RAPGEF4: variants seen among roughly 807,000 people sequenced by gnomAD.
The protein encoded by RAPGEF4 is Rap guanine nucleotide exchange factor 4, also known as RAP guanine-nucleotide-exchange factor (GEF) 4.
A neutral mutation model predicts 147.9 loss-of-function variants in RAPGEF4; 66 were observed. The ratio of observed to expected loss-of-function variants is 0.45; its 90% confidence interval spans 0.37 to 0.55. The LOEUF (loss-of-function observed/expected upper bound fraction) is 0.55. RAPGEF4 is among the 20% of genes least tolerant of loss of function. RAPGEF4 has a pLI of 0.00. For missense variants in RAPGEF4, 1,071 were observed against 1,257.3 expected (o/e 0.85, Z 2.24); for synonymous variants, 419 against 442.7 (o/e 0.95, Z 0.67).
chr2:172,799,350 C>G (rs1322135462), intron 3 of RAPGEF4, among the ~76,000 whole-genome samples: 1 of 152,142 alleles, frequency 6.6e-6, no homozygotes, highest in East Asian at 1.9e-4. Context: ...AAGATTAAAA[C>G]CCAAGCAGTC....
At chr2:172,909,223 G>T (rs144609919) in intron 4 of RAPGEF4, among the ~76,000 whole-genome samples, 2 of 152,294 alleles carry the variant, frequency 1.3e-5, no homozygotes, top group Non-Finnish European at 2.9e-5. Flanking sequence ...TGTAACAAAA[G>T]CCTGAGCCCT....
rs564434178 is a variant in RAPGEF4, at chr2:173,011,170, G to GCGCACACACACACA, written c.1659-3293_1659-3292insGCACACACACACAC. On this transcript the variant is annotated intron_variant, in intron 17 of 30. Coordinates refer to ENST00000397081, the MANE Select transcript of RAPGEF4 (RefSeq NM_007023.4). Reference sequence around the variant, plus strand: ...AACCTTGGAACTTCAGCGCGCGCGCGCACACACACACACACACACACACAC... The same window carrying GCGCACACACACACA: ...AACCTTGGAACTTCAGCGCGCGCGCGCGCACACACACACACACACACACACACACACACACACAC... 4.9e-3 allele frequency among the ~76,000 whole-genome samples: 648 copies of GCGCACACACACACA among 133,524 alleles called. 2 individuals are homozygous for GCGCACACACACACA. The highest frequency in any genetic ancestry group is 6.5e-3 in the African/African-American group (226 of 34,844). The allele number at this position is 133,524 out of a possible 152,430, so 87.6% of individuals were successfully genotyped here.
chr2:172,860,071 G>A (rs1366992064), intron 4 of RAPGEF4: 12 of 985,236 alleles, frequency 1.2e-5, no homozygotes, highest in South Asian at 9.4e-5. Context: ...CCGGGGCTAC[G>A]GCTAAAGAAA....
In RAPGEF4 at chr2:172,984,903, G is replaced by A. The variant is rs2242078; in HGVS notation, c.1090-530G>A. Reference sequence around the variant, plus strand: ...GAAGATAGAGCCATGATTTGGGACCGTAATTTGGAATTTTTTTTTAAATGT... The same window carrying A: ...GAAGATAGAGCCATGATTTGGGACCATAATTTGGAATTTTTTTTTAAATGT... On this transcript the variant is annotated intron_variant, in intron 11 of 30. Coordinates refer to ENST00000397081, the MANE Select transcript of RAPGEF4 (RefSeq NM_007023.4). Among the ~76,000 whole-genome samples the A allele has an allele frequency of 8.0e-4, 122 of 151,654 alleles. 1 individual carries two copies. In the East Asian group the frequency reaches 0.023, roughly 28 times the overall value.
At chr2:172,761,422 G>A (rs1351599322) in intron 1 of RAPGEF4, among the ~76,000 whole-genome samples, 3 of 152,028 alleles carry the variant, frequency 2.0e-5, no homozygotes, top group Non-Finnish European at 2.9e-5. Flanking sequence ...GATTACAGGC[G>A]TGAGCCACCG....
chr2:172,925,777 A>AAGAGAGAG (rs67773579), intron 6 of RAPGEF4, among the ~76,000 whole-genome samples: 15 of 133,892 alleles, frequency 1.1e-4, no homozygotes, highest in East Asian at 1.1e-3. Flanking sequence ...GAAAGAAAGA[A>AAGAGAGAG]AGAGAGAGAG....
In RAPGEF4 at chr2:172,985,890, A is replaced by G. The variant is rs534803335; in HGVS notation, c.1150+397A>G. Reference sequence around the variant, plus strand: ...AATCGATCTCTTGAGGTTGTTAGTTAGAATGATATTTAAACCATCCTACTT... The same window carrying G: ...AATCGATCTCTTGAGGTTGTTAGTTGGAATGATATTTAAACCATCCTACTT... On this transcript the variant is annotated intron_variant, in intron 12 of 30. Transcript: ENST00000397081. Among the ~76,000 whole-genome samples, 13 of 152,386 alleles carry G rather than the reference A, an allele frequency of 8.5e-5. No individual in the cohort carries two copies. In the East Asian group the frequency reaches 2.3e-3, roughly 27 times the overall value.
At chr2:173,031,202 A>T (rs539786926) in intron 26 of RAPGEF4, among the ~76,000 whole-genome samples, 1 of 152,282 alleles carries the variant, frequency 6.6e-6, no homozygotes, top group Non-Finnish European at 1.5e-5. Flanking sequence ...TTTGTAGGGC[A>T]GGTCCTCACA....
chr2:173,036,100 C>T (rs1223312735), intron 27 of RAPGEF4, 25 bp from the exon 28 acceptor site: 4 of 1,535,324 alleles, frequency 2.6e-6, no homozygotes, highest in Non-Finnish European at 3.6e-6. Flanking sequence ...CCAGTCATTA[C>T]CATCATCTCT....
intron 9 of RAPGEF4, 187 bp from the exon 10 acceptor site, chr2:172,967,074 A>C (rs1689918669): frequency 1.7e-6 from 1 of 587,684 alleles, no homozygotes; most frequent in Non-Finnish European, 3.0e-6. Flanking sequence ...TGTGGTGTGC[A>C]TGACTGCAGC....
At chr2:172,949,752 A>T (rs978507155) in intron 6 of RAPGEF4, among the ~76,000 whole-genome samples, 5 of 152,242 alleles carry the variant, frequency 3.3e-5, no homozygotes, top group African/African-American at 1.2e-4. Context: ...AGCACAACAG[A>T]TGACATTCTC....
At chr2:172,973,089 T>C (rs907551652) in intron 10 of RAPGEF4, among the ~76,000 whole-genome samples, 3 of 151,328 alleles carry the variant, frequency 2.0e-5, no homozygotes, top group Non-Finnish European at 4.4e-5. Context: ...AGGTTGTTTT[T>C]CAAGCCCCTT....
chr2:172,765,052 G>T (rs905707592), intron 1 of RAPGEF4, among the ~76,000 whole-genome samples: 1 of 152,214 alleles, frequency 6.6e-6, no homozygotes, highest in African/African-American at 2.4e-5. Flanking sequence ...TTCTTCTGGA[G>T]ACTTTAGAGA....
chr2:172,918,437 G>C (rs555505967), intron 5 of RAPGEF4, among the ~76,000 whole-genome samples: 1 of 149,780 alleles, frequency 6.7e-6, no homozygotes, highest in Non-Finnish European at 1.5e-5. Flanking sequence ...GTGACAGATA[G>C]GTTAATTTGC....
rs1250938525 is a variant in RAPGEF4 at position 172,921,030 on chromosome 2, G to A, written c.518-1251G>A. 2.0e-5 allele frequency among the ~76,000 whole-genome samples: 3 copies of A among 152,088 alleles called. No individual in the cohort carries two copies. In the East Asian group the frequency reaches 5.8e-4, roughly 29 times the overall value. ...GCTTCAATTAGGGAATGTTTCCAAA[G>A]TCTCTTTCATCCTCACCCCTCCTGC... On this transcript the variant is annotated intron_variant, in intron 5 of 30. Coordinates refer to ENST00000397081, the MANE Select transcript of RAPGEF4 (RefSeq NM_007023.4).
At chr2:172,918,623 T>A (rs550020192) in intron 5 of RAPGEF4, among the ~76,000 whole-genome samples, 1 of 152,190 alleles carries the variant, frequency 6.6e-6, no homozygotes, top group Non-Finnish European at 1.5e-5. Context: ...CCCACTAAAC[T>A]CAAAGAAACC....
intron 4 of RAPGEF4, among the ~76,000 whole-genome samples, chr2:172,827,763 A>G (rs536270837): frequency 3.3e-5 from 5 of 152,328 alleles, no homozygotes; most frequent in Admixed American, 2.6e-4. Context: ...TAATGTAATC[A>G]ACCCCCTAGC....
intron 1 of RAPGEF4, 123 bp from the exon 2 acceptor site, chr2:172,794,902 G>T (rs1686219300): frequency 3.1e-6 from 3 of 961,210 alleles, no homozygotes; most frequent in Admixed American, 4.7e-5. Flanking sequence ...ATAAATATTT[G>T]CAATGAAATA....
intron 6 of RAPGEF4, among the ~76,000 whole-genome samples, chr2:172,949,590 G>A (rs757146810): frequency 2.6e-5 from 4 of 152,188 alleles, no homozygotes; most frequent in Non-Finnish European, 5.9e-5. Flanking sequence ...ATTTTTTAAA[G>A]CAGTTTCTAT....
Sources: allele counts gnomAD v4.1 joint callset (sites outside exome capture counted in the v4.1 genomes callset), GRCh38; gene constraint gnomAD v4.1.1; transcripts MANE v1.5; gene names NCBI Gene and HGNC (gene_info 2026-07-23, HGNC 2026-07-21).